MANSC1: variants seen among roughly 807,000 people sequenced by gnomAD.
The protein encoded by MANSC1 is MANSC domain-containing protein 1.
Under a neutral mutation model 14.1 loss-of-function variants are expected in MANSC1, and 13 were observed. That is an observed-to-expected ratio of 0.92 (90% CI 0.60 to 1.46). The LOEUF (loss-of-function observed/expected upper bound fraction) is 1.46. Ranked by LOEUF, MANSC1 falls within the 40% of genes most tolerant of loss-of-function variation. The pLI is 0.00. For missense variants in MANSC1, 486 were observed against 511.4 expected (o/e 0.95, Z 0.48); for synonymous variants, 227 against 200.7 (o/e 1.13, Z -1.11).
At chr12:12,343,837 C>T (rs903519721) in intron 1 of MANSC1, among the ~76,000 whole-genome samples, 26 of 152,212 alleles carry the variant, frequency 1.7e-4, no homozygotes, top group African/African-American at 2.9e-4. Flanking sequence ...AGGGGCTAGG[C>T]GTGGTAGCTC....
Position 12,345,862 on chromosome 12 carries a change from T to C in MANSC1, c.-100-2448A>G, listed in dbSNP as rs577796353. ...GAAGCCAGTTATAGTGAAATATAAT[T>C]ACCAAAATAGATTTTAGAATGTCCC... On this transcript the variant is annotated intron_variant, in intron 1 of 3. Transcript: ENST00000535902. 1.2e-4 allele frequency among the ~76,000 whole-genome samples: 19 copies of C among 152,332 alleles called. No homozygotes were observed. In the South Asian group the frequency reaches 3.9e-3, roughly 32 times the overall value.
rs376734612 is a variant in MANSC1 at position 12,338,419 on chromosome 12, C to A, written c.364+1G>T. 6.3e-7 allele frequency: 1 copy of A among 1,584,512 alleles called. No individual in the cohort carries two copies. The highest frequency in any genetic ancestry group is 8.5e-7 in the Non-Finnish European group (1 of 1,170,110). On this transcript the variant is annotated splice_donor_variant, in intron 3 of 3. Coordinates refer to ENST00000535902, the MANE Select transcript of MANSC1 (RefSeq NM_018050.4). LOFTEE classifies it high-confidence loss of function. Reference sequence around the variant, plus strand: ...AAGAAAAAGTATAATGCTTTCATTACCTGTAATTATCCTGTAACTCATAAG... The same window carrying A: ...AAGAAAAAGTATAATGCTTTCATTAACTGTAATTATCCTGTAACTCATAAG...
At chr12:12,346,537 T>G (rs1202599264) in intron 1 of MANSC1, among the ~76,000 whole-genome samples, 2 of 152,176 alleles carry the variant, frequency 1.3e-5, no homozygotes, top group East Asian at 3.9e-4. Context: ...TGGAATGGAA[T>G]AGTAAACCCA....
intron 2 of MANSC1, chr12:12,338,783 C>A (rs1025957189): frequency 5.3e-6 from 3 of 562,438 alleles, no homozygotes; most frequent in African/African-American, 1.9e-5. Context: ...AAGGTGGCAC[C>A]GAAGGCGAAG....
rs1413130326 is a variant in MANSC1, at chr12:12,326,811, A to G, written c.*3216T>C. The stretch of plus-strand genomic sequence containing the variant: ...GCTAAGAGTAGCTTATTTTTATTTT[A>G]TTTTATTTTATTTTTTTGAGATAGA... On this transcript the variant is annotated 3_prime_UTR_variant, in exon 4 of 4. Coordinates refer to ENST00000535902, the MANE Select transcript of MANSC1 (RefSeq NM_018050.4). 1 of 148,452 alleles carries G rather than the reference A, an allele frequency of 6.7e-6. No individual in the cohort carries two copies. Among genetic ancestry groups the G allele is most frequent in the African/African-American group, 2.5e-5 (1 of 40,056 alleles). 9.2% of individuals were successfully genotyped at this position (148,452 alleles called of 1,614,324 possible).
chr12:12,349,415 G>T (rs142463680), intron 1 of MANSC1, among the ~76,000 whole-genome samples: 1 of 152,308 alleles, frequency 6.6e-6, no homozygotes, highest in African/African-American at 2.4e-5. Flanking sequence ...ATGCAGCATT[G>T]AGAGAAGTGT....
chr12:12,330,607 G>A lies in MANSC1; in HGVS notation c.716C>T (p.Ser239Leu), dbSNP rs144099872. The A allele has an allele frequency of 1.4e-4, 226 of 1,614,182 alleles. No homozygotes were observed. The African/African-American group carries it at 2.5e-3, about 18-fold the overall frequency. Residue 239 changes from serine to leucine, a missense_variant, in exon 4 of 4, where the codon TCG becomes TTG. Ser to Leu is a moderately radical substitution (Grantham distance 145). Coordinates refer to ENST00000535902, the MANE Select transcript of MANSC1 (RefSeq NM_018050.4). Reference sequence around the variant, plus strand: ...AAGGGTGGCGGGCTTTGGAGTAGCCGAGGTGGTATGTGGAGAAGCAACTGC... The same window carrying A: ...AAGGGTGGCGGGCTTTGGAGTAGCCAAGGTGGTATGTGGAGAAGCAACTGC... ...TVAVASPHTT[S>L]ATPKPATLLP...
rs1261337089 is a variant in MANSC1, at chr12:12,330,213, G to A, written c.1110C>T (p.Gly370=). The change falls in exon 4 of 4, where the codon GGC becomes GGT. Residue 370 remains glycine, a synonymous_variant. Transcript: ENST00000535902. ...GGCCGTACTGATTTTCTGGAACACT[G>A]CCCTGGGAGGAACTGCCTGGACTGG... ...REASPGSSSQ[G]SVPENQYGLP... 14 of 1,614,070 alleles carry A rather than the reference G, an allele frequency of 8.7e-6. No individual in the cohort carries two copies. Among genetic ancestry groups the A allele is most frequent in the Admixed American group, 1.7e-5 (1 of 59,982 alleles).
rs1412982465 is a variant in MANSC1, at chr12:12,329,956, C to T, written c.*71G>A. ...AAATACAACCTCCTGCTAAGACTAG[C>T]AAGTCAGCAGAAACTCATTGCATTT... On this transcript the variant is annotated 3_prime_UTR_variant, in exon 4 of 4. Transcript: ENST00000535902. 1 of 1,302,042 alleles carries T rather than the reference C, an allele frequency of 7.7e-7. No individual in the cohort carries two copies. Among genetic ancestry groups the T allele is most frequent in the Non-Finnish European group, 1.1e-6 (1 of 937,298 alleles). The allele number at this position is 1,302,042 out of a possible 1,614,324, so 80.7% of individuals were successfully genotyped here.
rs1013813102 is a variant in MANSC1, at chr12:12,328,082, T to C, written c.*1945A>G. 1 of 152,206 alleles carries C rather than the reference T, an allele frequency of 6.6e-6. No individual in the cohort carries two copies. The highest frequency in any genetic ancestry group is 6.5e-5 in the Admixed American group (1 of 15,272). The allele number at this position is 152,206 out of a possible 1,614,324, so 9.4% of individuals were successfully genotyped here. A position where few individuals can be genotyped will look rare whatever the true frequency, so the allele number is the denominator to read the frequency against. ...GACACTTGGAAGGGATCAAATTTCC[T>C]GTTTTGCAGATAAGCAAATTGAAGT... is the stretch of plus-strand genomic sequence containing the variant. On this transcript the variant is annotated 3_prime_UTR_variant, in exon 4 of 4. Coordinates refer to ENST00000535902, the MANE Select transcript of MANSC1 (RefSeq NM_018050.4).
rs761117307 is a variant in MANSC1 at position 12,343,104 on chromosome 12, T to G, written c.211A>C (p.Lys71Gln). ...EDCINSCCST[K>Q]NISGDKACNL... Reference sequence around the variant, plus strand: ...AACCACTATTTACCTGATATGTTTTTTGTTGAACAGCAAGAATTAATGCAG... The same window carrying G: ...AACCACTATTTACCTGATATGTTTTGTGTTGAACAGCAAGAATTAATGCAG... Residue 71 changes from lysine to glutamine, a missense_variant, in exon 2 of 4, where the codon AAA becomes CAA. Physicochemically the swap from Lys to Gln is moderately conservative, Grantham distance 53 (BLOSUM62 1). Transcript: ENST00000535902. 10 of 1,612,896 alleles carry G rather than the reference T, an allele frequency of 6.2e-6. No individual in the cohort carries two copies. The African/African-American group carries it at 1.2e-4, about 19-fold the overall frequency.
intron 1 of MANSC1, among the ~76,000 whole-genome samples, chr12:12,344,831 C>T (rs1446154532): frequency 6.9e-6 from 1 of 144,790 alleles, no homozygotes; most frequent in Non-Finnish European, 1.5e-5. Flanking sequence ...CCAAGTTCTT[C>T]AGTTTTGAAA....
intron 3 of MANSC1, among the ~76,000 whole-genome samples, chr12:12,337,048 A>C (rs994323942): frequency 2.0e-5 from 3 of 152,014 alleles, no homozygotes; most frequent in Non-Finnish European, 4.4e-5. Flanking sequence ...AGGAGGGTGG[A>C]TCACCTGAGG....
At chr12:12,333,736 G>C (rs1386497786) in intron 3 of MANSC1, among the ~76,000 whole-genome samples, 1 of 152,188 alleles carries the variant, frequency 6.6e-6, no homozygotes, top group Non-Finnish European at 1.5e-5. Flanking sequence ...AAAAATGAGA[G>C]ACTGACTATT....
rs1254787998 is a variant in MANSC1 at position 12,329,025 on chromosome 12, C to CACACACACACA, written c.*1001_*1002insTGTGTGTGTGT. 1.1e-4 allele frequency: 17 copies of CACACACACACA among 152,130 alleles called. No individual in the cohort carries two copies. Among genetic ancestry groups the CACACACACACA allele is most frequent in the African/African-American group, 3.7e-4 (15 of 40,144 alleles). The allele number at this position is 152,130 out of a possible 1,614,324, so 9.4% of individuals were successfully genotyped here. A position where few individuals can be genotyped will look rare whatever the true frequency, so the allele number is the denominator to read the frequency against. ...ACACACACACACACACACACACACA[C>CACACACACACA]AAGTTAACTAGAACAGATCCCAAGT... On this transcript the variant is annotated 3_prime_UTR_variant, in exon 4 of 4. Transcript: ENST00000535902.
chr12:12,330,399 C>G lies in MANSC1; in HGVS notation c.924G>C (p.Gln308His). Residue 308 changes from glutamine to histidine, a missense_variant, in exon 4 of 4, where the codon CAG becomes CAC. Coordinates refer to ENST00000535902, the MANE Select transcript of MANSC1 (RefSeq NM_018050.4). ...AGCTGCCTTTCGAGTCCGTAGGTGC[C>G]TGAAAGGTGGTAGTCAGAACTGCTG... ...ATTAVLTTTFQAPTDSKGSLE... is the reference protein window; with the variant it reads ...ATTAVLTTTFHAPTDSKGSLE... The G allele has an allele frequency of 6.2e-7, 1 of 1,614,180 alleles. No individual in the cohort carries two copies. The highest frequency in any genetic ancestry group is 1.1e-5 in the South Asian group (1 of 91,080).
At chr12:12,336,308 C>A (rs1276721423) in intron 3 of MANSC1, among the ~76,000 whole-genome samples, 1 of 152,182 alleles carries the variant, frequency 6.6e-6, no homozygotes, top group African/African-American at 2.4e-5. Context: ...TGCCTGAGGA[C>A]CTTGGACTTG....
intron 1 of MANSC1, among the ~76,000 whole-genome samples, chr12:12,346,529 G>A (rs1425341394): frequency 1.3e-5 from 2 of 152,156 alleles, no homozygotes; most frequent in African/African-American, 4.8e-5. Context: ...CAGATCAATG[G>A]AATGGAATAG....
rs1300671599 is a variant in MANSC1, at chr12:12,329,490, T to C, written c.*537A>G. 2 of 152,388 alleles carry C rather than the reference T, an allele frequency of 1.3e-5. No homozygotes were observed. The highest frequency in any genetic ancestry group is 4.8e-5 in the African/African-American group (2 of 41,462). The allele number at this position is 152,388 out of a possible 1,614,324, so 9.4% of individuals were successfully genotyped here. A position where few individuals can be genotyped will look rare whatever the true frequency, so the allele number is the denominator to read the frequency against. ...AAATTTATATGGCAATTATACTTTA[T>C]TACTTTACATAGAGCTTTGTTTTTA... On this transcript the variant is annotated 3_prime_UTR_variant, in exon 4 of 4. Coordinates refer to ENST00000535902, the MANE Select transcript of MANSC1 (RefSeq NM_018050.4).
Sources: allele counts gnomAD v4.1 joint callset (sites outside exome capture counted in the v4.1 genomes callset), GRCh38; gene constraint gnomAD v4.1.1; transcripts MANE v1.5; gene names NCBI Gene and HGNC (gene_info 2026-07-23, HGNC 2026-07-21).